The following MTMR9 variants were observed in gnomAD, a reference collection of about 807,000 sequenced individuals.
MTMR9 encodes the protein myotubularin-related protein 9.
Under a neutral mutation model 69.5 loss-of-function variants are expected in MTMR9, and 39 were observed. The observed-to-expected ratio is 0.56, with a 90% CI of 0.43 to 0.73. The LOEUF is 0.73. Among genes scored for constraint, MTMR9 ranks in the 30% least tolerant of loss-of-function variants. The pLI is 0.00. For synonymous variants in MTMR9, 354 were observed against 240.8 expected, an observed-to-expected ratio of 1.47 and a Z score of -4.35; for missense variants, 900 against 671.2, an observed-to-expected ratio of 1.34 and a Z score of -3.77.
chr8:11,290,693 A>G (rs1025285897), intron 1 of MTMR9, among the ~76,000 whole-genome samples: 1 of 152,118 alleles, frequency 6.6e-6, no homozygotes, highest in Non-Finnish European at 1.5e-5. Flanking sequence ...GTGACAACCC[A>G]ACCTTGGCTG....
At position 11,321,819 on chromosome 8, in the gene MTMR9, G is replaced by C. The variant is rs554883161; in HGVS notation, c.1487-806G>C. 7.9e-5 allele frequency among the ~76,000 whole-genome samples: 12 copies of C among 152,278 alleles called. No homozygotes were observed. In the East Asian group the frequency reaches 1.9e-3, roughly 24 times the overall value. On this transcript the variant is annotated intron_variant, in intron 9 of 9. Coordinates refer to ENST00000221086, the MANE Select transcript of MTMR9 (RefSeq NM_015458.4). Reference sequence around the variant, plus strand: ...CCTTTCTGATACAGCCTGATGTTGGGAGCTGCATAGAAGGGCTCATTAGGA... The same window carrying C: ...CCTTTCTGATACAGCCTGATGTTGGCAGCTGCATAGAAGGGCTCATTAGGA...
In MTMR9 at chr8:11,322,531, G is replaced by A. The variant is rs1198678100; in HGVS notation, c.1487-94G>A. The A allele has an allele frequency of 2.9e-6, 3 of 1,037,566 alleles. No homozygotes were observed. The African/African-American group carries it at 4.9e-5, about 17-fold the overall frequency. 64.3% of individuals were successfully genotyped at this position (1,037,566 alleles called of 1,614,324 possible). A position where few individuals can be genotyped will look rare whatever the true frequency, so the allele number is the denominator to read the frequency against. ...TTGTGGCAACAAAAGAAAAAAGAATGTATAATACATAAATTACATCTTATC... is the reference window on the plus strand; with the variant it reads ...TTGTGGCAACAAAAGAAAAAAGAATATATAATACATAAATTACATCTTATC... On this transcript the variant is annotated intron_variant, in intron 9 of 9. Transcript: ENST00000221086.
At position 11,309,576 on chromosome 8, in the gene MTMR9, G is replaced by T; in HGVS notation, c.859G>T (p.Asp287Tyr). The T allele has an allele frequency of 6.2e-7, 1 of 1,613,824 alleles. No individual in the cohort carries two copies. The highest frequency in any genetic ancestry group is 1.1e-5 in the South Asian group (1 of 91,046). Residue 287 changes from aspartate to tyrosine, a missense_variant, in exon 6 of 10, where the codon GAC (aspartate) becomes TAC (tyrosine). By Grantham distance (160) the Asp-to-Tyr change is radical. Coordinates refer to ENST00000221086, the MANE Select transcript of MTMR9 (RefSeq NM_015458.4). Reference sequence around the variant, plus strand: ...AATCAAACTTGTGGAAGCTTGTAATGACCAAACACATAACATGGACCGATG... The same window carrying T: ...AATCAAACTTGTGGAAGCTTGTAATTACCAAACACATAACATGGACCGATG... ...SLIKLVEACN[D>Y]QTHNMDRWLS...
chr8:11,331,320 C>T, downstream of MTMR9: 1 of 1,613,998 alleles, frequency 6.2e-7, no homozygotes. Context: ...CTCGCTGGAG[C>T]TGCTCATCTG....
chr8:11,289,862 A>G (rs1347344533), intron 1 of MTMR9, among the ~76,000 whole-genome samples: 1 of 152,226 alleles, frequency 6.6e-6, no homozygotes, highest in East Asian at 1.9e-4. Flanking sequence ...AGTATCTAAA[A>G]GAGCTTCCTT....
At chr8:11,331,578 G>A (rs138325209), downstream of MTMR9, 21 of 1,610,912 alleles carry the variant, frequency 1.3e-5, no homozygotes, top group South Asian at 2.2e-5. Context: ...CGGTGGCTAC[G>A]AGTGGTGTGG....
At chr8:11,311,396 C>T (rs1800192413) in intron 6 of MTMR9, among the ~76,000 whole-genome samples, 1 of 152,108 alleles carries the variant, frequency 6.6e-6, no homozygotes. Flanking sequence ...ACAGGCACAC[C>T]TTAGAGATGT....
chr8:11,299,829 T>G (rs1211121956), intron 2 of MTMR9, among the ~76,000 whole-genome samples, 194 bp from the exon 3 acceptor site: 1 of 26,958 alleles, frequency 3.7e-5, no homozygotes, highest in East Asian at 0.011. Flanking sequence ...GCAGATGCCT[T>G]TGTTAGATAC....
downstream of MTMR9, among the ~76,000 whole-genome samples, chr8:11,330,070 C>T (rs1801141337): frequency 1.3e-5 from 2 of 151,284 alleles, no homozygotes; most frequent in African/African-American, 4.9e-5. Flanking sequence ...TGAGGAGCGT[C>T]TCCGCCTGGC....
chr8:11,338,134 C>A, the MTMR9 span, among the ~76,000 whole-genome samples: 5 of 152,206 alleles, frequency 3.3e-5, no homozygotes, highest in African/African-American at 7.2e-5. Flanking sequence ...AATTTAGCGT[C>A]CTGGCAAGGA....
chr8:11,332,308 C>T, downstream of MTMR9: 2 of 1,056,874 alleles, frequency 1.9e-6, no homozygotes, highest in Non-Finnish European at 2.6e-6. Flanking sequence ...ACAAAGCATG[C>T]AAACAAATGA....
chr8:11,319,612 G>T, intron 8 of MTMR9, 75 bp from the exon 9 acceptor site: 1 of 1,437,758 alleles, frequency 7.0e-7, no homozygotes, highest in Non-Finnish European at 9.7e-7. Flanking sequence ...AGAAGAAATT[G>T]TCCTCGTAAG....
chr8:11,301,441 G>C (rs1013559463), intron 3 of MTMR9, among the ~76,000 whole-genome samples: 2 of 152,124 alleles, frequency 1.3e-5, no homozygotes, highest in African/African-American at 4.8e-5. Context: ...TGGAACAGTT[G>C]GATATCCATA....
intron 1 of MTMR9, among the ~76,000 whole-genome samples, chr8:11,293,561 A>G (rs150123385): frequency 7.0e-4 from 106 of 152,304 alleles, no homozygotes; most frequent in Non-Finnish European, 1.2e-3. Context: ...CATTTTGAAC[A>G]TGTCCAATTT....
Position 11,293,662 on chromosome 8 carries a change from T to G in MTMR9, c.183-1532T>G, listed in dbSNP as rs138583478. Among the ~76,000 whole-genome samples the G allele has an allele frequency of 7.9e-5, 12 of 152,320 alleles. No individual in the cohort carries two copies. In the East Asian group the frequency reaches 2.3e-3, roughly 29 times the overall value. On this transcript the variant is annotated intron_variant, in intron 1 of 9. Transcript: ENST00000221086. ...GGTCACAAATATTTTCTCTCATGTT[T>G]TCTTCTAGCAGTTTTATAGCTTTGG... is the stretch of plus-strand genomic sequence containing the variant.
intron 8 of MTMR9, chr8:11,318,154 A>C (rs967515203): frequency 6.6e-6 from 1 of 152,208 alleles, no homozygotes; most frequent in South Asian, 2.1e-4. Flanking sequence ...TATCCTCAGG[A>C]CTAGCTTTCA....
intron 1 of MTMR9, among the ~76,000 whole-genome samples, chr8:11,286,117 T>C (rs1453204739): frequency 6.6e-6 from 1 of 151,808 alleles, no homozygotes; most frequent in Non-Finnish European, 1.5e-5. Context: ...CACACCCGGC[T>C]AATTTTTGTA....
At chr8:11,299,319 C>CT (rs1371232745) in intron 2 of MTMR9, among the ~76,000 whole-genome samples, 2 of 152,190 alleles carry the variant, frequency 1.3e-5, no homozygotes, top group African/African-American at 2.4e-5. Flanking sequence ...GAGCAAAACT[C>CT]TGTCTCAGAA....
In MTMR9 at chr8:11,314,884, A is replaced by G. The variant is rs762197025; in HGVS notation, c.972-39A>G. 8 of 1,601,700 alleles carry G rather than the reference A, an allele frequency of 5.0e-6. No individual in the cohort carries two copies. In the East Asian group the frequency reaches 1.3e-4, roughly 27 times the overall value. ...TAACAGAGTTCATTGACCATGTTGG[A>G]CATTTCCCATTTGTACTCTTCCCTG... On this transcript the variant is annotated intron_variant, in intron 6 of 9. Coordinates refer to ENST00000221086, the MANE Select transcript of MTMR9 (RefSeq NM_015458.4).
Sources: allele counts gnomAD v4.1 joint callset (sites outside exome capture counted in the v4.1 genomes callset), GRCh38; gene constraint gnomAD v4.1.1; transcripts MANE v1.5; gene names NCBI Gene and HGNC (gene_info 2026-07-23, HGNC 2026-07-21).